Variants in GPD2 observed in about 807,000 individuals in gnomAD.
GPD2 encodes the protein glycerol-3-phosphate dehydrogenase, mitochondrial.
A neutral mutation model predicts 82.4 loss-of-function variants in GPD2; 54 were observed. The observed-to-expected ratio is 0.66, with a 90% CI of 0.53 to 0.82. GPD2 has a LOEUF of 0.82. Among genes scored for constraint, GPD2 ranks in the 40% least tolerant of loss-of-function variants. The probability of loss-of-function intolerance (pLI) is 0.00; values close to 1 mark genes in which losing one functional copy is unlikely to be tolerated. For synonymous variants in GPD2, 288 were observed against 306.1 expected, an observed-to-expected ratio of 0.94 and a Z score of 0.62; for missense variants, 748 against 896.2, an observed-to-expected ratio of 0.83 and a Z score of 2.11.
intron 6 of GPD2, among the ~76,000 whole-genome samples, chr2:156,527,609 T>C (rs1206191532): frequency 6.6e-6 from 1 of 152,100 alleles, no homozygotes; most frequent in African/African-American, 2.4e-5. Context: ...CACTGGAAAG[T>C]GTTACTAGTA....
chr2:156,560,053 A>G (rs1056807245), intron 9 of GPD2, among the ~76,000 whole-genome samples: 8 of 152,258 alleles, frequency 5.3e-5, no homozygotes, highest in Non-Finnish European at 1.2e-4. Flanking sequence ...ATATAAAATT[A>G]ATTCAAGAGC....
At chr2:156,450,665 C>CTTTTTTTT (rs776070659) in intron 1 of GPD2, among the ~76,000 whole-genome samples, 2 of 71,688 alleles carry the variant, frequency 2.8e-5, no homozygotes, top group African/African-American at 1.1e-4. Flanking sequence ...ATAGACAACT[C>CTTTTTTTT]TTTTTTTTTT....
intron 6 of GPD2, among the ~76,000 whole-genome samples, chr2:156,530,582 C>G (rs1685814162): frequency 6.6e-6 from 1 of 150,834 alleles, no homozygotes; most frequent in Admixed American, 6.6e-5. Context: ...ATGGATAGCT[C>G]TTATTATTTT....
intron 6 of GPD2, among the ~76,000 whole-genome samples, chr2:156,515,222 G>A (rs1239347422): frequency 6.6e-6 from 1 of 151,964 alleles, no homozygotes; most frequent in Non-Finnish European, 1.5e-5. Context: ...CCAACATGGC[G>A]AATCCTCATC....
intron 9 of GPD2, among the ~76,000 whole-genome samples, chr2:156,564,670 G>A (rs920172525): frequency 2.0e-5 from 3 of 152,116 alleles, no homozygotes; most frequent in Admixed American, 6.6e-5. Flanking sequence ...GAGGGGAACT[G>A]TTGTAGATAA....
chr2:156,479,063 C>G (rs950966562), intron 2 of GPD2, among the ~76,000 whole-genome samples: 1 of 152,148 alleles, frequency 6.6e-6, no homozygotes, highest in Non-Finnish European at 1.5e-5. Flanking sequence ...ATTCTAAATA[C>G]AAATGGATTG....
At chr2:156,412,072 T>C in the GPD2 span, among the ~76,000 whole-genome samples, 1 of 152,152 alleles carries the variant, frequency 6.6e-6, no homozygotes, top group African/African-American at 2.4e-5. Context: ...ATGTAGGATT[T>C]ATTAGTCAGC....
intron 9 of GPD2, among the ~76,000 whole-genome samples, chr2:156,560,610 T>C (rs1687132512): frequency 6.6e-6 from 1 of 152,232 alleles, no homozygotes; most frequent in South Asian, 2.1e-4. Flanking sequence ...TCTTTATAGC[T>C]TCTTTTCATT....
intron 1 of GPD2, among the ~76,000 whole-genome samples, chr2:156,474,102 G>T (rs1683424058): frequency 1.3e-5 from 2 of 152,106 alleles, no homozygotes; most frequent in South Asian, 4.1e-4. Context: ...CACAATTGCA[G>T]CTCACTACAA....
At chr2:156,412,129 T>G in the GPD2 span, among the ~76,000 whole-genome samples, 1 of 152,156 alleles carries the variant, frequency 6.6e-6, no homozygotes, top group Non-Finnish European at 1.5e-5. Flanking sequence ...TGCCCCATTG[T>G]ACAATCCTTA....
intron 8 of GPD2, among the ~76,000 whole-genome samples, chr2:156,554,904 G>A (rs1686903003): frequency 6.6e-6 from 1 of 152,306 alleles, no homozygotes; most frequent in African/African-American, 2.4e-5. Context: ...TGGTCTGCAT[G>A]AGAAAAATAT....
chr2:156,413,520 G>A, the GPD2 span, among the ~76,000 whole-genome samples: 2 of 151,548 alleles, frequency 1.3e-5, no homozygotes, highest in Non-Finnish European at 2.9e-5. Flanking sequence ...GGAGGCAGAG[G>A]TTGCAGTGAT....
chr2:156,423,673 T>C, the GPD2 span, among the ~76,000 whole-genome samples: 1 of 152,238 alleles, frequency 6.6e-6, no homozygotes, highest in African/African-American at 2.4e-5. Context: ...ATACAATGCC[T>C]GGAGCATCAG....
chr2:156,418,423 A>C, the GPD2 span, among the ~76,000 whole-genome samples: 1 of 152,050 alleles, frequency 6.6e-6, no homozygotes, highest in Non-Finnish European at 1.5e-5. Flanking sequence ...AAAAAGAAAA[A>C]TGTTACATTA....
intron 6 of GPD2, among the ~76,000 whole-genome samples, chr2:156,538,584 G>A (rs552276573): frequency 3.3e-5 from 5 of 152,028 alleles, no homozygotes; most frequent in East Asian, 1.9e-4. Context: ...ACTTTGGGAG[G>A]CCAAGGTGGG....
At chr2:156,538,760 G>A (rs145207724) in intron 6 of GPD2, among the ~76,000 whole-genome samples, 1,553 of 147,044 alleles carry the variant, frequency 0.011, 7 homozygotes, top group Non-Finnish European at 0.012. Context: ...GGGGGAGCTT[G>A]CAGTGAGCCG....
intron 16 of GPD2, among the ~76,000 whole-genome samples, chr2:156,581,563 GT>G (rs975080265): frequency 6.6e-6 from 1 of 151,896 alleles, no homozygotes; most frequent in Non-Finnish European, 1.5e-5. Context: ...TATTTGAAGG[GT>G]TTTTTTAGTT....
chr2:156,506,401 T>C (rs1401328241), intron 3 of GPD2, among the ~76,000 whole-genome samples: 3 of 152,176 alleles, frequency 2.0e-5, no homozygotes, highest in Non-Finnish European at 2.9e-5. Context: ...TTTTAACTTT[T>C]GTTGGTATTC....
intron 6 of GPD2, among the ~76,000 whole-genome samples, chr2:156,548,588 G>A (rs1295194970): frequency 6.6e-6 from 1 of 152,152 alleles, no homozygotes; most frequent in Non-Finnish European, 1.5e-5. Context: ...CTTCTGTAGT[G>A]CTGCTAGCCC....
Sources: gnomAD v4.1 joint callset for allele counts (sites outside exome capture counted in the v4.1 genomes callset) on GRCh38, gnomAD v4.1.1 for gene constraint, MANE v1.5 for transcripts, NCBI Gene and HGNC (gene_info 2026-07-23, HGNC 2026-07-21) for gene names.